ZKSCAN3: variants seen among roughly 807,000 people sequenced by gnomAD.
The protein encoded by ZKSCAN3 is zinc finger with KRAB and SCAN domains 3.
Under a neutral mutation model 30.7 loss-of-function variants are expected in ZKSCAN3, and 21 were observed. That is an observed-to-expected ratio of 0.68 (90% CI 0.49 to 0.99). The LOEUF is 0.99. ZKSCAN3 is among the 50% of genes least tolerant of loss of function. The probability of loss-of-function intolerance (pLI) is 0.00; values close to 1 mark genes in which losing one functional copy is unlikely to be tolerated. For missense variants in ZKSCAN3, 507 were observed against 647.1 expected (o/e 0.78, Z 2.35); for synonymous variants, 201 against 246.7 (o/e 0.81, Z 1.73).
rs6903306 is a variant in ZKSCAN3 at position 28,354,229 on chromosome 6, A to G, written c.-63+4162A>G. 1,939 of 299,898 alleles carry G rather than the reference A, an allele frequency of 6.5e-3. 34 individuals carry two copies. The highest frequency in any genetic ancestry group is 0.036 in the African/African-American group (1,658 of 46,320). 18.6% of individuals were successfully genotyped at this position (299,898 alleles called of 1,614,324 possible). On this transcript the variant is annotated intron_variant, in intron 1 of 5. Transcript: ENST00000252211. Reference sequence around the variant, plus strand: ...TCCTATGTACAGTGTCAGCAGGGCAATTATACCATTTACAGACAATAGTGG... The same window carrying G: ...TCCTATGTACAGTGTCAGCAGGGCAGTTATACCATTTACAGACAATAGTGG...
At chr6:28,356,392 G>C (rs1020438154) in intron 1 of ZKSCAN3, 1 of 152,292 alleles carries the variant, frequency 6.6e-6, no homozygotes, top group African/African-American at 2.4e-5. Flanking sequence ...CCATCTCAGA[G>C]GGGGAGCAGG....
At chr6:28,364,505 A>G (rs1581741251) in intron 5 of ZKSCAN3, among the ~76,000 whole-genome samples, 1 of 152,190 alleles carries the variant, frequency 6.6e-6, no homozygotes, top group Non-Finnish European at 1.5e-5. Context: ...GTCCTTAGAC[A>G]TTGACTATAG....
At chr6:28,359,484 C>T in intron 1 of ZKSCAN3, 41 bp from the exon 2 acceptor site, 1 of 1,452,056 alleles carries the variant, frequency 6.9e-7, no homozygotes, top group Non-Finnish European at 9.3e-7. Context: ...GAAGGGACTA[C>T]TTGCAAGTTT....
intron 1 of ZKSCAN3, among the ~76,000 whole-genome samples, chr6:28,356,925 G>A (rs2113910794): frequency 6.6e-6 from 1 of 152,332 alleles, no homozygotes; most frequent in African/African-American, 2.4e-5. Context: ...TGCTCACTAT[G>A]CCAAATGTCA....
At chr6:28,354,206 C>G (rs1463046977) in intron 1 of ZKSCAN3, 3 of 337,552 alleles carry the variant, frequency 8.9e-6, no homozygotes, top group African/African-American at 2.1e-5. Context: ...GGCACAAGTC[C>G]TATGTACAGT....
At chr6:28,350,598 A>T (rs1764933909) in intron 1 of ZKSCAN3, among the ~76,000 whole-genome samples, 1 of 152,174 alleles carries the variant, frequency 6.6e-6, no homozygotes, top group African/African-American at 2.4e-5. Context: ...GATTGAATGC[A>T]TTCGTATGGG....
At chr6:28,365,295 A>G in intron 5 of ZKSCAN3, 131 bp from the exon 6 acceptor site, 1 of 1,317,592 alleles carries the variant, frequency 7.6e-7, no homozygotes, top group African/African-American at 1.5e-5. Context: ...TTTTATTCCC[A>G]TCCTTATTCT....
intron 3 of ZKSCAN3, 127 bp from the exon 4 acceptor site, chr6:28,363,176 G>A: frequency 1.3e-6 from 1 of 777,206 alleles, no homozygotes; most frequent in Non-Finnish European, 2.1e-6. Flanking sequence ...GCTCATTGCA[G>A]CTTCAGACTC....
At position 28,368,144 on chromosome 6, in the gene ZKSCAN3, C is replaced by T. The variant is rs528423152; in HGVS notation, c.*1859C>T. 6.7e-6 allele frequency: 1 copy of T among 150,124 alleles called. No individual in the cohort carries two copies. The highest frequency in any genetic ancestry group is 2.4e-5 in the African/African-American group (1 of 40,904). 9.3% of individuals were successfully genotyped at this position (150,124 alleles called of 1,614,324 possible). A position where few individuals can be genotyped will look rare whatever the true frequency, so the allele number is the denominator to read the frequency against. Reference sequence around the variant, plus strand: ...AATATGCCGTGTTTGATTTTTTGTTCTTGGCGATAGTTTGCTGAGAATGAT... The same window carrying T: ...AATATGCCGTGTTTGATTTTTTGTTTTTGGCGATAGTTTGCTGAGAATGAT... On this transcript the variant is annotated 3_prime_UTR_variant, in exon 6 of 6. Transcript: ENST00000252211.
chr6:28,353,896 C>G, intron 1 of ZKSCAN3: 1 of 456,306 alleles, frequency 2.2e-6, no homozygotes, highest in South Asian at 1.5e-5. Context: ...CCAGCCCATA[C>G]TGAGGTCCGA....
In ZKSCAN3 at chr6:28,359,579, G is replaced by A. The variant is rs761450527; in HGVS notation, c.-8G>A. On this transcript the variant is annotated 5_prime_UTR_variant, in exon 2 of 6. Transcript: ENST00000252211. Reference sequence around the variant, plus strand: ...TAGAGTGAGGCCTGAGTACTGCCTTGGCCTAGGATGGCTAGAGAATTAAGT... The same window carrying A: ...TAGAGTGAGGCCTGAGTACTGCCTTAGCCTAGGATGGCTAGAGAATTAAGT... 1.7e-5 allele frequency: 28 copies of A among 1,612,430 alleles called. No individual in the cohort carries two copies. The highest frequency in any genetic ancestry group is 2.2e-5 in the East Asian group (1 of 44,840).
At chr6:28,352,964 CTTT>C (rs5875156) in intron 1 of ZKSCAN3, among the ~76,000 whole-genome samples, 25 of 129,878 alleles carry the variant, frequency 1.9e-4, no homozygotes, top group African/African-American at 2.7e-4. Flanking sequence ...TTTTCTTTTT[CTTT>C]TTTTTTTTTT....
chr6:28,360,323 A>G (rs929884439), intron 2 of ZKSCAN3, among the ~76,000 whole-genome samples: 4 of 152,204 alleles, frequency 2.6e-5, no homozygotes, highest in Non-Finnish European at 4.4e-5. Flanking sequence ...CAAAGCAGTG[A>G]TAAGTATCTC....
rs1765642214 is a variant in ZKSCAN3, at chr6:28,359,527, A to G, written c.-60A>G. The G allele has an allele frequency of 1.5e-5, 24 of 1,565,982 alleles. 1 individual carries two copies. In the South Asian group the frequency reaches 2.8e-4, roughly 18 times the overall value. On this transcript the variant is annotated splice_region_variant and 5_prime_UTR_variant, in exon 2 of 6. Coordinates refer to ENST00000252211, the MANE Select transcript of ZKSCAN3 (RefSeq NM_024493.4). ...AATAATGATTTCCCACCTTTCAGGG[A>G]TCTTCTGCAGAAATAGCGCTGGAAG...
chr6:28,353,413 C>T (rs1356693558), intron 1 of ZKSCAN3: 1 of 155,914 alleles, frequency 6.4e-6, no homozygotes, highest in Non-Finnish European at 1.4e-5. Flanking sequence ...TTTCCCTTCC[C>T]TCTTAGATCA....
chr6:28,365,156 A>G (rs1561940498), intron 5 of ZKSCAN3, among the ~76,000 whole-genome samples: 1 of 151,952 alleles, frequency 6.6e-6, no homozygotes. Context: ...ATCCAACCAC[A>G]TACATCCCCA....
chr6:28,360,199 G>A (rs961915835), intron 2 of ZKSCAN3: 6 of 849,118 alleles, frequency 7.1e-6, no homozygotes, highest in East Asian at 5.5e-5. Context: ...ACAAAAGAAC[G>A]CAGTCATATC....
At chr6:28,354,085 C>A (rs1033401895) in intron 1 of ZKSCAN3, 1 of 398,626 alleles carries the variant, frequency 2.5e-6, no homozygotes, top group South Asian at 1.8e-5. Flanking sequence ...GCCGCTCCCA[C>A]ACTTACAGCT....
intron 1 of ZKSCAN3, chr6:28,356,118 G>A (rs1765402778): frequency 6.6e-6 from 1 of 152,202 alleles, no homozygotes; most frequent in Non-Finnish European, 1.5e-5. Flanking sequence ...GTGGCTTGCC[G>A]AGTCCACATA....
Sources: gnomAD v4.1 joint callset for allele counts (sites outside exome capture counted in the v4.1 genomes callset) on GRCh38, gnomAD v4.1.1 for gene constraint, MANE v1.5 for transcripts, NCBI Gene and HGNC (gene_info 2026-07-23, HGNC 2026-07-21) for gene names.